Variants in RARB observed in about 807,000 individuals in gnomAD.
RARB encodes retinoic acid receptor beta, also known as HBV-activated protein.
Under a neutral mutation model 51.9 loss-of-function variants are expected in RARB, and 17 were observed. The ratio of observed to expected loss-of-function variants is 0.33; its 90% confidence interval spans 0.22 to 0.49. The LOEUF is 0.49. RARB is among the 20% of genes least tolerant of loss of function. RARB has a pLI of 0.99. For missense variants in RARB, 369 were observed against 550.8 expected, an observed-to-expected ratio of 0.67 and a Z score of 3.30; for synonymous variants, 215 against 195.4, an observed-to-expected ratio of 1.10 and a Z score of -0.84.
chr3:24,933,862 A>G (rs1161823853), intron 2 of RARB, among the ~76,000 whole-genome samples: 2 of 152,156 alleles, frequency 1.3e-5, no homozygotes, highest in Non-Finnish European at 2.9e-5. Context: ...GCATTAAACA[A>G]AAAAATTGTT....
intron 5 of RARB, among the ~76,000 whole-genome samples, chr3:25,264,308 G>A (rs1019393224): frequency 6.6e-5 from 10 of 152,252 alleles, no homozygotes; most frequent in African/African-American, 2.4e-4. Context: ...GAACCCTGGG[G>A]TGAAAAGGGA....
intron 5 of RARB, among the ~76,000 whole-genome samples, chr3:25,266,359 T>C (rs1229221003): frequency 1.3e-5 from 2 of 152,196 alleles, no homozygotes; most frequent in African/African-American, 4.8e-5. Context: ...TTCTAATGTT[T>C]TTCTGTCCTT....
chr3:25,006,851 T>C (rs1334697441), intron 2 of RARB, among the ~76,000 whole-genome samples: 1 of 152,170 alleles, frequency 6.6e-6, no homozygotes, highest in Non-Finnish European at 1.5e-5. Flanking sequence ...ATAAATTCAC[T>C]AAATAGAACT....
intron 4 of RARB, among the ~76,000 whole-genome samples, chr3:25,140,487 G>A (rs546696527): frequency 1.8e-4 from 28 of 152,240 alleles, no homozygotes; most frequent in African/African-American, 6.0e-4. Context: ...GGGTTGCTAC[G>A]GTCTCAAGAT....
At chr3:25,253,097 T>C (rs322714) in intron 5 of RARB, among the ~76,000 whole-genome samples, 31,435 of 152,066 alleles carry the variant, frequency 0.21, 3,630 homozygotes, top group African/African-American at 0.31. Context: ...TGATAGAAGG[T>C]TTAATTATCC....
intron 2 of RARB, among the ~76,000 whole-genome samples, chr3:24,913,230 C>T (rs983292527): frequency 9.2e-5 from 14 of 151,692 alleles, no homozygotes; most frequent in African/African-American, 3.1e-4. Context: ...CTGATCTGCC[C>T]ACCTTGGCCT....
chr3:25,586,341 G>T (rs1419080832), intron 5 of RARB, among the ~76,000 whole-genome samples: 1 of 152,108 alleles, frequency 6.6e-6, no homozygotes, highest in African/African-American at 2.4e-5. Context: ...TTTCCCAAAA[G>T]CTTCTCCCCC....
intron 4 of RARB, among the ~76,000 whole-genome samples, chr3:25,578,285 G>C (rs1025422442): frequency 2.6e-5 from 4 of 152,218 alleles, no homozygotes; most frequent in Admixed American, 1.3e-4. Flanking sequence ...AGGTTATTTT[G>C]TGTTTTATTA....
intron 2 of RARB, among the ~76,000 whole-genome samples, chr3:24,966,012 C>G (rs1575095308): frequency 6.6e-6 from 1 of 151,996 alleles, no homozygotes; most frequent in South Asian, 2.1e-4. Flanking sequence ...TCACATTGGC[C>G]TGGTTAGCCT....
At chr3:25,268,002 A>G (rs992983784) in intron 5 of RARB, among the ~76,000 whole-genome samples, 7 of 152,192 alleles carry the variant, frequency 4.6e-5, no homozygotes, top group Non-Finnish European at 7.3e-5. Flanking sequence ...GGAGAGTTAT[A>G]TATTTCTTAA....
chr3:25,370,101 TAC>T (rs1706253570), intron 5 of RARB, among the ~76,000 whole-genome samples: 1 of 152,128 alleles, frequency 6.6e-6, no homozygotes, highest in Non-Finnish European at 1.5e-5. Context: ...TATGCATATA[TAC>T]ACACACATAG....
rs138601008 is a variant in RARB at position 24,977,267 on chromosome 3, A to C, written c.-379-82858A>C. The stretch of plus-strand genomic sequence containing the variant: ...GGGCTCTTTTTTGGTTTCATATGAA[A>C]TTTAAAGTAGTTTTTTCCAATTCTG... On this transcript the variant is annotated intron_variant, in intron 2 of 11. Coordinates refer to the RARB transcript ENST00000383772. Among the ~76,000 whole-genome samples, 965 of 152,074 alleles carry C rather than the reference A, an allele frequency of 6.3e-3. 13 individuals carry two copies. The highest frequency in any genetic ancestry group is 0.022 in the African/African-American group (910 of 41,490).
At chr3:25,130,258 T>G (rs1016082162) in intron 3 of RARB, among the ~76,000 whole-genome samples, 1 of 152,080 alleles carries the variant, frequency 6.6e-6, no homozygotes, top group Admixed American at 6.6e-5. Flanking sequence ...TTGGAAGTCT[T>G]TCCCCTCTAG....
intron 3 of RARB, among the ~76,000 whole-genome samples, chr3:25,114,545 C>A (rs932221359): frequency 6.6e-6 from 1 of 152,194 alleles, no homozygotes; most frequent in Non-Finnish European, 1.5e-5. Context: ...TTCCCACTTG[C>A]CACCACCTCC....
chr3:24,988,030 T>C (rs1163685156), intron 2 of RARB, among the ~76,000 whole-genome samples: 1 of 151,778 alleles, frequency 6.6e-6, no homozygotes, highest in African/African-American at 2.4e-5. Context: ...AGTAACAGAG[T>C]GCTTGAGAAA....
At chr3:25,539,739 G>T (rs1189549725) in intron 3 of RARB, among the ~76,000 whole-genome samples, 2 of 151,666 alleles carry the variant, frequency 1.3e-5, no homozygotes, top group African/African-American at 2.4e-5. Context: ...CATCTTCCTC[G>T]ATCCATACAC....
chr3:25,207,833 A>T (rs1413085557), intron 5 of RARB, among the ~76,000 whole-genome samples: 1 of 152,248 alleles, frequency 6.6e-6, no homozygotes, highest in Non-Finnish European at 1.5e-5. Context: ...ACAAAGGAAC[A>T]ACTGAAACTA....
At chr3:24,985,758 C>T (rs1420896979) in intron 2 of RARB, among the ~76,000 whole-genome samples, 1 of 152,126 alleles carries the variant, frequency 6.6e-6, no homozygotes, top group Non-Finnish European at 1.5e-5. Flanking sequence ...CTCTTTTGTA[C>T]TTTGCACAGT....
chr3:24,933,111 GA>G (rs1225608025), intron 2 of RARB, among the ~76,000 whole-genome samples: 1 of 151,840 alleles, frequency 6.6e-6, no homozygotes, highest in Middle Eastern at 3.2e-3. Flanking sequence ...TAATTCAGCA[GA>G]AAAAATAAGT....
Sources: allele counts gnomAD v4.1 joint callset (sites outside exome capture counted in the v4.1 genomes callset), GRCh38; gene constraint gnomAD v4.1.1; transcripts MANE v1.5; gene names NCBI Gene and HGNC (gene_info 2026-07-23, HGNC 2026-07-21).